The following VWDE variants were observed in gnomAD, a reference collection of about 807,000 sequenced individuals.
The protein encoded by VWDE is von Willebrand factor D and EGF domains.
In VWDE, 207 loss-of-function variants were observed where a neutral mutation model predicts 178.4. The ratio of observed to expected loss-of-function variants is 1.16; its 90% confidence interval spans 1.04 to 1.30. The LOEUF (loss-of-function observed/expected upper bound fraction) is 1.30. Among genes scored for constraint, VWDE ranks in the 50% most tolerant of loss-of-function variants. The pLI is 0.00. For missense variants in VWDE, 2,287 were observed against 1,901.3 expected, an observed-to-expected ratio of 1.20 and a Z score of -3.77; for synonymous variants, 738 against 651.4, an observed-to-expected ratio of 1.13 and a Z score of -2.02.
chr7:12,397,838 C>T (rs113608623), intron 1 of VWDE, among the ~76,000 whole-genome samples: 192 of 151,988 alleles, frequency 1.3e-3, no homozygotes, highest in African/African-American at 3.9e-3. Context: ...ATCAAAGAAA[C>T]GCAAATCAAA....
At chr7:12,336,890 C>G in intron 26 of VWDE, 98 bp downstream of exon 26, 1 of 1,187,434 alleles carries the variant, frequency 8.4e-7, no homozygotes, top group Non-Finnish European at 1.2e-6. Flanking sequence ...TTTAAAAAGA[C>G]CAAGCAAACA....
At position 12,351,717 on chromosome 7, in the gene VWDE, T is replaced by C. The variant is rs924715022; in HGVS notation, c.3746-4A>G. On this transcript the variant is annotated splice_region_variant and splice_polypyrimidine_tract_variant and intron_variant, in intron 18 of 28. Transcript: ENST00000275358. Reference sequence around the variant, plus strand: ...TGATTTACAAACTGTGTTTCAACTGTAAATGAGAACAAGGAAAACAGATTA... The same window carrying C: ...TGATTTACAAACTGTGTTTCAACTGCAAATGAGAACAAGGAAAACAGATTA... The C allele has an allele frequency of 1.6e-5, 25 of 1,538,276 alleles. No individual in the cohort carries two copies. The highest frequency in any genetic ancestry group is 2.1e-5 in the Non-Finnish European group (24 of 1,142,260).
intron 3 of VWDE, among the ~76,000 whole-genome samples, chr7:12,388,126 G>A (rs1562514772): frequency 6.6e-6 from 1 of 151,820 alleles, no homozygotes; most frequent in Non-Finnish European, 1.5e-5. Flanking sequence ...ATTCTTTCCT[G>A]GTTTTTCATA....
intron 2 of VWDE, among the ~76,000 whole-genome samples, chr7:12,390,351 C>T (rs1784326727): frequency 6.6e-6 from 1 of 151,954 alleles, no homozygotes; most frequent in African/African-American, 2.4e-5. Flanking sequence ...ACTCAACATC[C>T]TTCTCTTTTA....
chr7:12,355,974 A>G (rs1323996307), intron 18 of VWDE, 137 bp downstream of exon 18: 2 of 762,982 alleles, frequency 2.6e-6, no homozygotes, highest in African/African-American at 3.5e-5. Flanking sequence ...GATAGTAATT[A>G]TATTTGTAAT....
chr7:12,367,266 G>T, intron 13 of VWDE, 91 bp downstream of exon 13: 1 of 1,029,986 alleles, frequency 9.7e-7, no homozygotes, highest in Non-Finnish European at 1.3e-6. Context: ...TTGGATTTAT[G>T]TTGCTAATTG....
chr7:12,397,420 T>G (rs1784682533), intron 1 of VWDE, among the ~76,000 whole-genome samples: 1 of 152,072 alleles, frequency 6.6e-6, no homozygotes, highest in African/African-American at 2.4e-5. Context: ...AAAATTAACT[T>G]AAGATGGATT....
chr7:12,371,285 G>T (rs77895864), intron 10 of VWDE, among the ~76,000 whole-genome samples: 1 of 152,160 alleles, frequency 6.6e-6, no homozygotes, highest in African/African-American at 2.4e-5. Flanking sequence ...ACATGTTCCC[G>T]CAGCTAATTA....
chr7:12,336,549 A>G (rs60783223), intron 26 of VWDE, among the ~76,000 whole-genome samples: 2,633 of 152,278 alleles, frequency 0.017, 71 homozygotes, highest in African/African-American at 0.061. Context: ...GCTAATTTAA[A>G]ACAATTTATA....
At chr7:12,370,615 C>T (rs774787034) in intron 11 of VWDE, 41 bp downstream of exon 11, 21 of 1,542,444 alleles carry the variant, frequency 1.4e-5, no homozygotes, top group Non-Finnish European at 1.8e-5. Flanking sequence ...CGTTTTAAGT[C>T]TAATATTAAT....
chr7:12,374,911 C>A (rs1335308899), intron 8 of VWDE, 99 bp downstream of exon 8: 3 of 1,274,502 alleles, frequency 2.4e-6, no homozygotes, highest in South Asian at 1.6e-5. Context: ...ACTAATTTAC[C>A]AAAAAATTTT....
chr7:12,354,729 T>C (rs1398418783), intron 18 of VWDE, among the ~76,000 whole-genome samples: 1 of 152,214 alleles, frequency 6.6e-6, no homozygotes, highest in Non-Finnish European at 1.5e-5. Context: ...ATTTTGTTTT[T>C]GTAAATAAGA....
intron 3 of VWDE, among the ~76,000 whole-genome samples, chr7:12,385,077 T>A (rs761703121): frequency 1.3e-5 from 2 of 152,138 alleles, no homozygotes; most frequent in African/African-American, 2.4e-5. Context: ...TAAACTTTTT[T>A]AGAATTGCTT....
In VWDE at chr7:12,361,445, C is replaced by A. The variant is rs373758034; in HGVS notation, c.2975G>T (p.Cys992Phe). ...CTGCTGAACATCAGTGGGCAGCTGA[C>A]AATCAACAGCTCTGCTATTGTGGAA... ...TVFHNSRAVD[C>F]QLPTDVQQFD... is the part of the protein sequence containing the mutation. Residue 992 changes from cysteine to phenylalanine, a missense_variant, in exon 14 of 29, where the codon TGT (cysteine) becomes TTT (phenylalanine). Physicochemically the swap from Cys to Phe is radical, Grantham distance 205. Transcript: ENST00000275358. 17 of 1,551,080 alleles carry A rather than the reference C, an allele frequency of 1.1e-5. No homozygotes were observed. The highest frequency in any genetic ancestry group is 9.6e-5 in the African/African-American group (7 of 72,972).
chr7:12,343,044 C>G (rs1781412144), intron 22 of VWDE, 39 bp downstream of exon 22: 1 of 1,438,732 alleles, frequency 7.0e-7, no homozygotes, highest in South Asian at 1.2e-5. Context: ...TTCAAAGAAG[C>G]AGTTTCATTA....
At chr7:12,335,137 A>T (rs1372024875) in intron 27 of VWDE, among the ~76,000 whole-genome samples, 1 of 152,232 alleles carries the variant, frequency 6.6e-6, no homozygotes, top group Non-Finnish European at 1.5e-5. Context: ...AGGCATGATC[A>T]TAATAAATCT....
chr7:12,386,658 G>C (rs568743410), intron 3 of VWDE, among the ~76,000 whole-genome samples: 10 of 152,132 alleles, frequency 6.6e-5, no homozygotes, highest in Non-Finnish European at 1.0e-4. Flanking sequence ...GTCTGACCAA[G>C]GACAGTTTAA....
chr7:12,335,304 A>C (rs549888464), intron 27 of VWDE, among the ~76,000 whole-genome samples: 8 of 152,326 alleles, frequency 5.3e-5, no homozygotes, highest in African/African-American at 1.9e-4. Context: ...AAAAATTTCA[A>C]AATTGCATGA....
chr7:12,387,046 C>T (rs548326925), intron 3 of VWDE, among the ~76,000 whole-genome samples: 6 of 151,918 alleles, frequency 3.9e-5, no homozygotes, highest in South Asian at 2.1e-4. Context: ...ATAATTTAGC[C>T]TTATTTCTTT....
Sources: gnomAD v4.1 joint callset for allele counts (sites outside exome capture counted in the v4.1 genomes callset) on GRCh38, gnomAD v4.1.1 for gene constraint, MANE v1.5 for transcripts, NCBI Gene and HGNC (gene_info 2026-07-23, HGNC 2026-07-21) for gene names.